SLC9D1: variants seen among roughly 807,000 people sequenced by gnomAD.
SLC9D1 encodes solute carrier family 9 member D1, also known as putative LAG1-interacting protein.
At chr13:113,525,220 A>T in the SLC9D1 span, among the ~76,000 whole-genome samples, 5 of 152,188 alleles carry the variant, frequency 3.3e-5, no homozygotes, top group Admixed American at 3.3e-4. Context: ...CCACCTGTAC[A>T]GCAGTGGTCG....
At chr13:113,504,775 C>G in the SLC9D1 span, 1 of 152,324 alleles carries the variant, frequency 6.6e-6, no homozygotes, top group South Asian at 2.1e-4. Context: ...TCGTGCTGCT[C>G]TAGACATGTG....
the SLC9D1 span, chr13:113,534,652 G>C: frequency 9.4e-6 from 2 of 212,408 alleles, no homozygotes; most frequent in Non-Finnish European, 1.9e-5. Flanking sequence ...CAGCTGGGGC[G>C]TGGTCGCGCT....
the SLC9D1 span, among the ~76,000 whole-genome samples, chr13:113,492,071 CAAG>C: frequency 6.6e-6 from 1 of 152,066 alleles, no homozygotes; most frequent in South Asian, 2.1e-4. Flanking sequence ...AGTGGCTGGT[CAAG>C]GCTCAAGCGA....
At chr13:113,548,434 G>C in the SLC9D1 span, 3 of 1,610,712 alleles carry the variant, frequency 1.9e-6, no homozygotes, top group Non-Finnish European at 2.5e-6. Context: ...CGCGAAGAGC[G>C]GGCGTCATCT....
chr13:113,503,655 C>CT, the SLC9D1 span: 1 of 912,362 alleles, frequency 1.1e-6, no homozygotes, highest in Non-Finnish European at 1.8e-6. Context: ...GGTTCATACA[C>CT]TTTTAACACT....
At chr13:113,509,641 G>T in the SLC9D1 span, among the ~76,000 whole-genome samples, 1 of 152,242 alleles carries the variant, frequency 6.6e-6, no homozygotes, top group Non-Finnish European at 1.5e-5. Context: ...ACCATGCAGT[G>T]AGGAGAAAAA....
chr13:113,546,497 C>T, the SLC9D1 span, among the ~76,000 whole-genome samples: 1 of 152,150 alleles, frequency 6.6e-6, no homozygotes, highest in African/African-American at 2.4e-5. This position sits in a 1 kb window ranked among gnomAD's most constrained non-coding sequence, Gnocchi z 7.1. Context: ...CAAGAGAACC[C>T]CGGGTCGTGG....
At chr13:113,548,425 G>A in the SLC9D1 span, 45 of 1,611,190 alleles carry the variant, frequency 2.8e-5, no homozygotes, top group South Asian at 9.9e-5. Context: ...GGAGCCGGGC[G>A]CGAAGAGCGG....
chr13:113,550,113 T>G, the SLC9D1 span: 1 of 161,864 alleles, frequency 6.2e-6, no homozygotes, highest in Non-Finnish European at 1.3e-5. Flanking sequence ...TCAATTTCTA[T>G]TAGATATATC....
At chr13:113,532,658 G>A in the SLC9D1 span, among the ~76,000 whole-genome samples, 4 of 151,902 alleles carry the variant, frequency 2.6e-5, no homozygotes, top group African/African-American at 7.3e-5. Flanking sequence ...TCAGGAGTGC[G>A]GCAGGCCTGG....
chr13:113,539,380 C>T, the SLC9D1 span: 2 of 1,613,326 alleles, frequency 1.2e-6, no homozygotes, highest in Non-Finnish European at 1.7e-6. The surrounding 1 kb of genome is among the most constrained non-coding windows in gnomAD (Gnocchi z 4.8). Flanking sequence ...TGGACGTCTC[C>T]ATGGAGCTGG....
chr13:113,537,318 G>A, the SLC9D1 span, among the ~76,000 whole-genome samples: 14 of 152,120 alleles, frequency 9.2e-5, no homozygotes, highest in Non-Finnish European at 1.8e-4. Context: ...TCCCCATGGC[G>A]CTCAGTTCTC....
chr13:113,534,450 T>C, the SLC9D1 span: 1 of 562,302 alleles, frequency 1.8e-6, no homozygotes, highest in South Asian at 2.5e-5. Context: ...TGACTCATAC[T>C]CTTAAGCACT....
chr13:113,540,660 A>G, the SLC9D1 span, among the ~76,000 whole-genome samples: 43 of 152,314 alleles, frequency 2.8e-4, no homozygotes, highest in African/African-American at 1.0e-3. Flanking sequence ...CATAGTTTGC[A>G]AGTATTCTCT....
chr13:113,520,483 C>CAAAA, the SLC9D1 span: 1,662 of 365,458 alleles, frequency 4.5e-3, 2 homozygotes, highest in Middle Eastern at 0.011. Flanking sequence ...AACTCCATCT[C>CAAAA]AAAAAAAAAA....
the SLC9D1 span, among the ~76,000 whole-genome samples, chr13:113,546,293 G>C: frequency 1.3e-5 from 2 of 151,900 alleles, no homozygotes; most frequent in African/African-American, 4.8e-5. The surrounding 1 kb of genome is among the most constrained non-coding windows in gnomAD (Gnocchi z 7.1). Flanking sequence ...TGGGGAGAGA[G>C]GGAGGTGGAC....
At chr13:113,518,267 G>T in the SLC9D1 span, among the ~76,000 whole-genome samples, 1 of 152,146 alleles carries the variant, frequency 6.6e-6, no homozygotes, top group Non-Finnish European at 1.5e-5. Context: ...CTGCAGCCCC[G>T]TGAAGTCCCT....
the SLC9D1 span, chr13:113,499,951 C>T: frequency 7.1e-7 from 1 of 1,416,082 alleles, no homozygotes; most frequent in Non-Finnish European, 9.3e-7. Context: ...TATTATTATT[C>T]TTGCAGGTCA....
chr13:113,525,719 G>T, the SLC9D1 span, among the ~76,000 whole-genome samples: 1 of 152,002 alleles, frequency 6.6e-6, no homozygotes, highest in Non-Finnish European at 1.5e-5. Flanking sequence ...CATCGTAGGA[G>T]ACGACAGCTC....
Sources: gnomAD v4.1 joint callset for allele counts (sites outside exome capture counted in the v4.1 genomes callset) on GRCh38, gnomAD v4.1.1 for gene constraint, Gnocchi (gnomAD v3.1) non-coding constraint, MANE v1.5 for transcripts, NCBI Gene and HGNC (gene_info 2026-07-23, HGNC 2026-07-21) for gene names.